CDH18: variants seen among roughly 807,000 people sequenced by gnomAD.
CDH18 encodes cadherin 18.
A neutral mutation model predicts 67.9 loss-of-function variants in CDH18; 31 were observed. The ratio of observed to expected loss-of-function variants is 0.46; its 90% CI spans 0.34 to 0.62. CDH18 has a LOEUF of 0.62. Ranked by LOEUF, CDH18 falls within the 20% of genes least tolerant of loss-of-function variation. The pLI is 0.01. For missense variants in CDH18, 890 were observed against 975.5 expected (o/e 0.91, Z 1.17); for synonymous variants, 362 against 347.2 (o/e 1.04, Z -0.48).
intron 1 of CDH18, among the ~76,000 whole-genome samples, chr5:20,568,059 T>A (rs1043008554): frequency 2.6e-5 from 4 of 152,212 alleles, no homozygotes; most frequent in Non-Finnish European, 5.9e-5. Flanking sequence ...GTCATTCTTC[T>A]AAGCTTTTTA....
intron 3 of CDH18, among the ~76,000 whole-genome samples, chr5:19,827,872 A>G (rs1433542821): frequency 6.6e-6 from 1 of 152,180 alleles, no homozygotes; most frequent in Non-Finnish European, 1.5e-5. Flanking sequence ...AACCAAAAAC[A>G]GAAGCTAAAC....
At chr5:20,431,995 G>GA (rs1184022184) in intron 1 of CDH18, among the ~76,000 whole-genome samples, 1 of 152,036 alleles carries the variant, frequency 6.6e-6, no homozygotes, top group Non-Finnish European at 1.5e-5. Flanking sequence ...CTCACTTTTT[G>GA]AAAATGAAAT....
chr5:20,452,090 G>A (rs1482183644), intron 1 of CDH18, among the ~76,000 whole-genome samples: 3 of 152,118 alleles, frequency 2.0e-5, no homozygotes, highest in Admixed American at 6.6e-5. Context: ...TGCTATGTGG[G>A]CTGTCAAAAA....
At chr5:20,238,575 C>G (rs892836772) in intron 2 of CDH18, among the ~76,000 whole-genome samples, 8 of 152,012 alleles carry the variant, frequency 5.3e-5, no homozygotes, top group Non-Finnish European at 7.4e-5. Context: ...CAAAATTGTA[C>G]AGAAACTTGA....
chr5:19,755,554 T>A (rs200427326), intron 3 of CDH18, among the ~76,000 whole-genome samples: 2 of 116,110 alleles, frequency 1.7e-5, no homozygotes, highest in African/African-American at 5.4e-5. Context: ...ATATATATAT[T>A]TTATATATAA....
At chr5:19,690,073 A>G (rs1761650307) in intron 5 of CDH18, among the ~76,000 whole-genome samples, 1 of 142,122 alleles carries the variant, frequency 7.0e-6, no homozygotes, top group East Asian at 1.9e-4. Flanking sequence ...TATATTATAT[A>G]TGTGTGTGTG....
chr5:20,384,368 C>A (rs956073244), intron 1 of CDH18, among the ~76,000 whole-genome samples: 2 of 152,144 alleles, frequency 1.3e-5, no homozygotes, highest in South Asian at 2.1e-4. Context: ...TGACTTATTT[C>A]ATCTAGTGTA....
At chr5:20,548,024 A>C (rs1207853668) in intron 1 of CDH18, among the ~76,000 whole-genome samples, 1 of 149,582 alleles carries the variant, frequency 6.7e-6, no homozygotes, top group East Asian at 2.0e-4. Flanking sequence ...AAAATATATA[A>C]TACTGATTTA....
At chr5:19,498,265 A>C (rs1409309706) in intron 11 of CDH18, among the ~76,000 whole-genome samples, 2 of 152,182 alleles carry the variant, frequency 1.3e-5, no homozygotes, top group African/African-American at 4.8e-5. Context: ...TTGGTATACA[A>C]ACACTGCAGA....
chr5:20,444,953 T>A (rs1749896202), intron 1 of CDH18, among the ~76,000 whole-genome samples: 1 of 152,170 alleles, frequency 6.6e-6, no homozygotes, highest in Non-Finnish European at 1.5e-5. Context: ...AAAAAATGTG[T>A]TATCATTTAT....
intron 2 of CDH18, among the ~76,000 whole-genome samples, chr5:20,109,944 T>C (rs1294510406): frequency 6.6e-6 from 1 of 152,214 alleles, no homozygotes; most frequent in Non-Finnish European, 1.5e-5. Context: ...AGCAATGTTT[T>C]GGTATTGTTC....
intron 8 of CDH18, among the ~76,000 whole-genome samples, chr5:19,554,702 C>A (rs1332956298): frequency 6.6e-6 from 1 of 152,020 alleles, no homozygotes. Context: ...AACACAGGTT[C>A]CCTTCCTGGG....
intron 2 of CDH18, among the ~76,000 whole-genome samples, chr5:19,921,339 G>A (rs1792441330): frequency 6.6e-6 from 1 of 152,036 alleles, no homozygotes; most frequent in African/African-American, 2.4e-5. Context: ...CGACTATCCT[G>A]GCTAACACAG....
At chr5:20,170,119 A>C (rs1453886295) in intron 2 of CDH18, among the ~76,000 whole-genome samples, 1 of 152,074 alleles carries the variant, frequency 6.6e-6, no homozygotes, top group Non-Finnish European at 1.5e-5. Context: ...CTATCAACAG[A>C]TCACCTAGGT....
chr5:20,341,150 T>C (rs1055305493), intron 1 of CDH18, among the ~76,000 whole-genome samples: 19 of 152,118 alleles, frequency 1.2e-4, no homozygotes, highest in African/African-American at 4.3e-4. Flanking sequence ...GTCAACTTGA[T>C]TGGATTGAAG....
In CDH18 at chr5:20,294,165, A is replaced by G. The variant is rs374543461; in HGVS notation, c.-579-38660T>C. 5.6e-4 allele frequency among the ~76,000 whole-genome samples: 86 copies of G among 152,304 alleles called. No individual in the cohort carries two copies. In the South Asian group the frequency reaches 0.016, roughly 28 times the overall value. ...GAGTTTTTAGTACGGTTAAGGGAAC[A>G]CTTACGAAAGCATTTCAATGCCCAC... On this transcript the variant is annotated intron_variant, in intron 1 of 14. Coordinates refer to the CDH18 transcript ENST00000507958.
chr5:19,838,964 C>A lies in CDH18; in HGVS notation c.23G>T (p.Cys8Phe). The change falls in exon 3 of 13, where the codon TGC (cysteine) becomes TTC (phenylalanine). Residue 8 changes from cysteine to phenylalanine, a missense_variant. Transcript: ENST00000382275. The part of the protein sequence containing the change: MKITSTS[C>F]ICPVLVCLCF... Reference sequence around the variant, plus strand: ...GAGACACACTAGGACTGGACAGATGCAAGATGTGCTAGTAATTTTCATTGT... The same window carrying A: ...GAGACACACTAGGACTGGACAGATGAAAGATGTGCTAGTAATTTTCATTGT... 1.1e-5 allele frequency: 18 copies of A among 1,612,958 alleles called. No homozygotes were observed. The highest frequency in any genetic ancestry group is 1.5e-5 in the Non-Finnish European group (18 of 1,178,994).
At chr5:20,446,147 G>A (rs1336254962) in intron 1 of CDH18, among the ~76,000 whole-genome samples, 1 of 152,032 alleles carries the variant, frequency 6.6e-6, no homozygotes, top group Non-Finnish European at 1.5e-5. Flanking sequence ...ATGAACTTAG[G>A]GTCAACTCGA....
intron 2 of CDH18, among the ~76,000 whole-genome samples, chr5:19,943,644 T>C (rs938400579): frequency 1.3e-5 from 2 of 151,978 alleles, no homozygotes; most frequent in African/African-American, 4.8e-5. Flanking sequence ...ATATCCTGAG[T>C]CTTTTAGAGA....
Sources: allele counts gnomAD v4.1 joint callset (sites outside exome capture counted in the v4.1 genomes callset), GRCh38; gene constraint gnomAD v4.1.1; transcripts MANE v1.5; gene names NCBI Gene and HGNC (gene_info 2026-07-23, HGNC 2026-07-21).